ATP2B1: variants seen among roughly 807,000 people sequenced by gnomAD.
ATP2B1 encodes plasma membrane calcium-transporting ATPase 1.
ATP2B1 carries 14 observed loss-of-function variants against 124.2 expected under a neutral mutation model. The observed-to-expected ratio is 0.11, with a 90% CI of 0.07 to 0.18. The LOEUF (loss-of-function observed/expected upper bound fraction) is 0.18, where lower values mean the gene tolerates loss of function less well. ATP2B1 is among the 10% of genes least tolerant of loss of function. The pLI is 1.00. For missense variants in ATP2B1, 763 were observed against 1,466.1 expected, an observed-to-expected ratio of 0.52 and a Z score of 7.83; for synonymous variants, 449 against 492.4, an observed-to-expected ratio of 0.91 and a Z score of 1.17.
chr12:89,610,346 T>TA, intron 14 of ATP2B1, 75 bp downstream of exon 14: 1 of 1,198,374 alleles, frequency 8.3e-7, no homozygotes, highest in Non-Finnish European at 1.2e-6. Context: ...TAATATTCAG[T>TA]ATCTATTACT....
Position 89,682,490 on chromosome 12 carries a change from T to C in ATP2B1, c.-222+26106A>G, listed in dbSNP as rs934094316. ...TAAAGTCCCTATGAATAAAACAGTATGGCAATGATAGATAAAAAGACCAAT... is the reference window on the plus strand; with the variant it reads ...TAAAGTCCCTATGAATAAAACAGTACGGCAATGATAGATAAAAAGACCAAT... On this transcript the variant is annotated intron_variant, in intron 1 of 20. Coordinates refer to ENST00000428670, the MANE Select transcript of ATP2B1 (RefSeq NM_001366521.1). 2.6e-5 allele frequency among the ~76,000 whole-genome samples: 4 copies of C among 152,248 alleles called. No homozygotes were observed. The East Asian group carries it at 7.7e-4, about 29-fold the overall frequency.
At position 89,634,985 on chromosome 12, in the gene ATP2B1, TTAC is replaced by T. The variant is rs1565849411; in HGVS notation, c.661+9_661+11del. 6.2e-7 allele frequency: 1 copy of T among 1,613,296 alleles called. No individual in the cohort carries two copies. The highest frequency in any genetic ancestry group is 1.3e-5 in the African/African-American group (1 of 75,020). On this transcript the variant is annotated intron_variant, in intron 4 of 20. Coordinates refer to ENST00000428670, the MANE Select transcript of ATP2B1 (RefSeq NM_001366521.1). Reference sequence around the variant, plus strand: ...TTTAGTGTCAGATGTACTGCTCTTTTTACTTACTTACCATATTTCACTTGAGCA... The same window carrying T: ...TTTAGTGTCAGATGTACTGCTCTTTTTTACTTACCATATTTCACTTGAGCA...
chr12:89,624,926 A>C (rs1880587738), intron 8 of ATP2B1, among the ~76,000 whole-genome samples: 1 of 152,214 alleles, frequency 6.6e-6, no homozygotes, highest in African/African-American at 2.4e-5. Context: ...GTAAACCAAG[A>C]GTTAACCATG....
chr12:89,684,688 G>A (rs1308711497), intron 1 of ATP2B1, among the ~76,000 whole-genome samples: 1 of 152,062 alleles, frequency 6.6e-6, no homozygotes, highest in Non-Finnish European at 1.5e-5. Flanking sequence ...TTTAGAGCAG[G>A]TAATGCAGAG....
intron 1 of ATP2B1, among the ~76,000 whole-genome samples, chr12:89,679,855 G>A (rs1364389579): frequency 6.6e-6 from 1 of 152,102 alleles, no homozygotes; most frequent in Non-Finnish European, 1.5e-5. Context: ...GAGATTGAAA[G>A]GGAATAGCAG....
intron 1 of ATP2B1, among the ~76,000 whole-genome samples, chr12:89,679,321 T>A (rs1316300990): frequency 6.6e-6 from 1 of 152,296 alleles, no homozygotes; most frequent in Non-Finnish European, 1.5e-5. Context: ...TACAAAAATA[T>A]TGGCCTCTCC....
chr12:89,681,164 A>T (rs965282988), intron 1 of ATP2B1, among the ~76,000 whole-genome samples: 1 of 152,214 alleles, frequency 6.6e-6, no homozygotes, highest in Non-Finnish European at 1.5e-5. Context: ...AAAAGAATGC[A>T]TATGTTATAC....
chr12:89,613,049 G>A (rs1878319420), intron 12 of ATP2B1, among the ~76,000 whole-genome samples: 2 of 151,956 alleles, frequency 1.3e-5, no homozygotes, highest in South Asian at 2.1e-4. Flanking sequence ...GTATAATGTT[G>A]ATTCACTGCA....
At chr12:89,699,957 A>G (rs1048130395) in intron 1 of ATP2B1, among the ~76,000 whole-genome samples, 1 of 150,422 alleles carries the variant, frequency 6.6e-6, no homozygotes, top group Non-Finnish European at 1.5e-5. Context: ...CGATCCTCCT[A>G]CCTCAGCCTC....
At chr12:89,652,009 C>G (rs1385282217) in intron 2 of ATP2B1, among the ~76,000 whole-genome samples, 1 of 152,090 alleles carries the variant, frequency 6.6e-6, no homozygotes, top group East Asian at 1.9e-4. Flanking sequence ...TTGGGTTGCT[C>G]CTCCATACTT....
At chr12:89,650,303 G>A (rs534461583) in intron 2 of ATP2B1, among the ~76,000 whole-genome samples, 2 of 152,294 alleles carry the variant, frequency 1.3e-5, no homozygotes, top group South Asian at 4.1e-4. Context: ...AATTTCAAAA[G>A]AGGAGGCAAT....
chr12:89,596,280 T>C (rs1874596814), intron 20 of ATP2B1, among the ~76,000 whole-genome samples: 1 of 152,048 alleles, frequency 6.6e-6, no homozygotes, highest in Non-Finnish European at 1.5e-5. Flanking sequence ...ATGAAGCTAA[T>C]CAGTAGCAAT....
At chr12:89,665,436 T>C (rs532787462) in intron 1 of ATP2B1, among the ~76,000 whole-genome samples, 1 of 152,280 alleles carries the variant, frequency 6.6e-6, no homozygotes, top group African/African-American at 2.4e-5. Context: ...TCCCAGAAAA[T>C]AAACTACTTT....
intron 8 of ATP2B1, among the ~76,000 whole-genome samples, chr12:89,625,161 C>G (rs1019744759): frequency 6.6e-6 from 1 of 151,990 alleles, no homozygotes; most frequent in Non-Finnish European, 1.5e-5. Context: ...ACCAGCTACT[C>G]AGGCTGAGGC....
At chr12:89,677,965 TATATATACACACAC>T (rs1260078895) in intron 1 of ATP2B1, among the ~76,000 whole-genome samples, 2,841 of 112,066 alleles carry the variant, frequency 0.025, 180 homozygotes, top group Non-Finnish European at 0.032. Flanking sequence ...TATATATATA[TATATATACACACAC>T]ACACACACAC....
At chr12:89,619,304 A>G (rs1879535583) in intron 11 of ATP2B1, among the ~76,000 whole-genome samples, 1 of 152,098 alleles carries the variant, frequency 6.6e-6, no homozygotes, top group African/African-American at 2.4e-5. Context: ...CAGTAACCAC[A>G]ATGAGCGTTG....
At chr12:89,662,428 CA>C (rs1232772013) in intron 1 of ATP2B1, among the ~76,000 whole-genome samples, 2 of 152,106 alleles carry the variant, frequency 1.3e-5, no homozygotes, top group Non-Finnish European at 1.5e-5. Context: ...GTTTATTCTA[CA>C]AAGTTTTGGT....
intron 2 of ATP2B1, among the ~76,000 whole-genome samples, chr12:89,649,324 A>G (rs1884933785): frequency 6.6e-6 from 1 of 152,250 alleles, no homozygotes. Flanking sequence ...ACAGAGGCGG[A>G]GCTGCCCAAG....
chr12:89,638,084 T>C (rs1263722142), intron 3 of ATP2B1, among the ~76,000 whole-genome samples: 1 of 152,028 alleles, frequency 6.6e-6, no homozygotes, highest in African/African-American at 2.4e-5. Flanking sequence ...TTACAAATTT[T>C]TAGAGAAGTT....
Sources: gnomAD v4.1 joint callset for allele counts (sites outside exome capture counted in the v4.1 genomes callset) on GRCh38, gnomAD v4.1.1 for gene constraint, MANE v1.5 for transcripts, NCBI Gene and HGNC (gene_info 2026-07-23, HGNC 2026-07-21) for gene names.